Variants in ANKS1B observed in about 807,000 individuals in gnomAD.
ANKS1B encodes ankyrin repeat and sterile alpha motif domain-containing protein 1B.
In ANKS1B, 36 loss-of-function variants were observed where a neutral mutation model predicts 148.3. That is an observed-to-expected ratio of 0.24 (90% CI 0.19 to 0.32). The LOEUF (loss-of-function observed/expected upper bound fraction) is 0.32, where lower values mean the gene tolerates loss of function less well. Among genes scored for constraint, ANKS1B ranks in the 10% least tolerant of loss-of-function variants. The probability of loss-of-function intolerance (pLI) is 1.00; values close to 1 mark genes in which losing one functional copy is unlikely to be tolerated. For missense variants in ANKS1B, 1,157 were observed against 1,542.6 expected (o/e 0.75, Z 4.19); for synonymous variants, 542 against 560.8 (o/e 0.97, Z 0.47).
chr12:99,852,656 T>C (rs144012899), intron 1 of ANKS1B, among the ~76,000 whole-genome samples: 1 of 152,184 alleles, frequency 6.6e-6, no homozygotes, highest in Non-Finnish European at 1.5e-5. Flanking sequence ...AGACTCACAC[T>C]GTGAACTTTT....
chr12:99,113,275 G>T (rs565112886), intron 15 of ANKS1B, among the ~76,000 whole-genome samples: 4 of 152,278 alleles, frequency 2.6e-5, no homozygotes, highest in Admixed American at 2.0e-4. Context: ...CTGAACGAAT[G>T]GGAAGTGGCA....
chr12:99,393,135 TA>T (rs2094135227), intron 12 of ANKS1B, among the ~76,000 whole-genome samples: 1 of 150,870 alleles, frequency 6.6e-6, no homozygotes, highest in African/African-American at 2.4e-5. Flanking sequence ...GATAGACAGA[TA>T]GATCTACCTT....
chr12:98,988,011 GTATGTA>G (rs1231302842), intron 17 of ANKS1B, among the ~76,000 whole-genome samples: 1 of 152,116 alleles, frequency 6.6e-6, no homozygotes, highest in Non-Finnish European at 1.5e-5. Flanking sequence ...AGATAAAATT[GTATGTA>G]TTTATTGCAT....
intron 1 of ANKS1B, among the ~76,000 whole-genome samples, chr12:99,852,533 T>A (rs907059116): frequency 5.9e-5 from 9 of 152,206 alleles, no homozygotes; most frequent in Admixed American, 2.6e-4. Flanking sequence ...TGTATGTTTT[T>A]CCAAATCCCA....
chr12:99,569,803 A>G (rs1213682571), intron 9 of ANKS1B, among the ~76,000 whole-genome samples: 1 of 152,286 alleles, frequency 6.6e-6, no homozygotes, highest in Non-Finnish European at 1.5e-5. Context: ...GCCTCTGTTG[A>G]GCCAGCCTGC....
chr12:99,735,454 C>T (rs1318574111), intron 8 of ANKS1B, among the ~76,000 whole-genome samples: 7 of 151,968 alleles, frequency 4.6e-5, no homozygotes, highest in Admixed American at 2.0e-4. Context: ...CTTAGAAATA[C>T]AAAATATCAT....
At chr12:98,899,616 GC>G (rs1424211842) in intron 17 of ANKS1B, among the ~76,000 whole-genome samples, 1 of 152,130 alleles carries the variant, frequency 6.6e-6, no homozygotes, top group Admixed American at 6.5e-5. Flanking sequence ...GTTTTCACCT[GC>G]CCTTCCTAAT....
At chr12:99,951,280 TTCAGTCTAGAGAC>T (rs1603484385) in intron 1 of ANKS1B, among the ~76,000 whole-genome samples, 1 of 152,244 alleles carries the variant, frequency 6.6e-6, no homozygotes. Context: ...GGGCAGCCTT[TTCAGTCTAGAGAC>T]TTACATCCAC....
At chr12:99,485,854 G>A (rs1204951639) in intron 10 of ANKS1B, among the ~76,000 whole-genome samples, 1 of 152,064 alleles carries the variant, frequency 6.6e-6, no homozygotes, top group Non-Finnish European at 1.5e-5. Flanking sequence ...CGCCCTAAGT[G>A]TATCTTTCAT....
chr12:99,592,087 T>C (rs1265627753), intron 9 of ANKS1B, among the ~76,000 whole-genome samples: 1 of 152,176 alleles, frequency 6.6e-6, no homozygotes, highest in Admixed American at 6.6e-5. Flanking sequence ...TACAGCATGC[T>C]ATTATACTTT....
At chr12:99,388,720 C>A (rs2093962600) in intron 12 of ANKS1B, among the ~76,000 whole-genome samples, 1 of 152,122 alleles carries the variant, frequency 6.6e-6, no homozygotes, top group Admixed American at 6.5e-5. Context: ...ATCTGAGGGC[C>A]AGGGTCCTTT....
At chr12:99,493,558 T>C (rs2096574576) in intron 10 of ANKS1B, among the ~76,000 whole-genome samples, 1 of 152,184 alleles carries the variant, frequency 6.6e-6, no homozygotes, top group African/African-American at 2.4e-5. Flanking sequence ...GATAGAAATG[T>C]ACATAATTAC....
intron 25 of ANKS1B, among the ~76,000 whole-genome samples, chr12:98,762,721 C>T (rs1399872484): frequency 6.6e-6 from 1 of 152,192 alleles, no homozygotes; most frequent in Non-Finnish European, 1.5e-5. Flanking sequence ...AAGTTAGGTG[C>T]CCCTCCTCTG....
At chr12:99,672,726 C>T (rs1206362466) in intron 8 of ANKS1B, among the ~76,000 whole-genome samples, 2 of 152,132 alleles carry the variant, frequency 1.3e-5, no homozygotes, top group South Asian at 2.1e-4. Context: ...CATGATTGTC[C>T]TTCCTTGGAT....
intron 12 of ANKS1B, among the ~76,000 whole-genome samples, chr12:99,253,677 G>C (rs1023958516): frequency 6.6e-6 from 1 of 152,174 alleles, no homozygotes; most frequent in African/African-American, 2.4e-5. Context: ...TTAAAAGTTT[G>C]ACTAGGAATG....
At chr12:99,566,704 T>C (rs1567367625) in intron 9 of ANKS1B, among the ~76,000 whole-genome samples, 1 of 152,164 alleles carries the variant, frequency 6.6e-6, no homozygotes, top group South Asian at 2.1e-4. Flanking sequence ...CTCTCTTGCC[T>C]TGTGATGCCT....
intron 17 of ANKS1B, among the ~76,000 whole-genome samples, chr12:98,884,851 C>G (rs114892156): frequency 2.0e-5 from 3 of 151,242 alleles, no homozygotes; most frequent in African/African-American, 7.3e-5. Flanking sequence ...GGGAGTCTCT[C>G]AGATGTGTAT....
chr12:99,607,309 C>G (rs1319426267), intron 9 of ANKS1B, among the ~76,000 whole-genome samples: 2 of 151,892 alleles, frequency 1.3e-5, no homozygotes, highest in Non-Finnish European at 2.9e-5. Context: ...CTTTGACCTA[C>G]CAATAAGTCA....
At chr12:98,823,641 G>A (rs561265231) in intron 19 of ANKS1B, among the ~76,000 whole-genome samples, 5 of 152,204 alleles carry the variant, frequency 3.3e-5, no homozygotes, top group Admixed American at 3.3e-4. Flanking sequence ...ACAGGCATCC[G>A]CCATCATGCC....
Sources: allele counts gnomAD v4.1 joint callset (sites outside exome capture counted in the v4.1 genomes callset), GRCh38; gene constraint gnomAD v4.1.1; transcripts MANE v1.5; gene names NCBI Gene and HGNC (gene_info 2026-07-23, HGNC 2026-07-21).